Variants in DISC1 observed in about 807,000 individuals in gnomAD.
DISC1 encodes DISC1 scaffold protein, also known as disrupted in schizophrenia 1 protein.
In DISC1, 57 loss-of-function variants were observed where a neutral mutation model predicts 84.5. The observed-to-expected ratio is 0.67, with a 90% confidence interval of 0.55 to 0.84. The LOEUF (loss-of-function observed/expected upper bound fraction) is 0.84, where lower values mean the gene tolerates loss of function less well. DISC1 is among the 40% of genes least tolerant of loss of function. The probability of loss-of-function intolerance (pLI) is 0.00; values close to 1 mark genes in which losing one functional copy is unlikely to be tolerated. For synonymous variants in DISC1, 411 were observed against 415.2 expected (o/e 0.99, Z 0.12); for missense variants, 1,000 against 1,057.8 (o/e 0.95, Z 0.76).
rs562707956 is a variant in DISC1, at chr1:231,904,818, C to A, written c.1982-54010C>A. ...TGATGCTGGAAAACAAGGAAAAGAT[C>A]AAAAAATGGGGGACATGCAAAAGGA... On this transcript the variant is annotated intron_variant, in intron 9 of 12. Coordinates refer to ENST00000439617, the MANE Select transcript of DISC1 (RefSeq NM_018662.3). Among the ~76,000 whole-genome samples the A allele has an allele frequency of 1.6e-4, 25 of 152,084 alleles. No individual in the cohort carries two copies. The East Asian group carries it at 3.1e-3, about 19-fold the overall frequency.
intron 9 of DISC1, among the ~76,000 whole-genome samples, chr1:231,857,866 AT>A (rs2125916498): frequency 6.6e-6 from 1 of 152,282 alleles, no homozygotes; most frequent in African/African-American, 2.4e-5. Flanking sequence ...ATTTCCAAGC[AT>A]TTTCTAAAAG....
chr1:232,034,042 A>G (rs1046616827), intron 12 of DISC1, among the ~76,000 whole-genome samples: 18 of 152,098 alleles, frequency 1.2e-4, no homozygotes, highest in Admixed American at 6.5e-5. Flanking sequence ...CCATTTCAGT[A>G]CATCCAAAAT....
At chr1:232,013,497 A>G (rs1668211246) in intron 11 of DISC1, among the ~76,000 whole-genome samples, 1 of 145,220 alleles carries the variant, frequency 6.9e-6, no homozygotes, top group South Asian at 2.3e-4. Context: ...TAACACTCCT[A>G]TAACAAAAAC....
Position 231,990,506 on chromosome 1 carries a change from C to G in DISC1, c.2043-18279C>G, listed in dbSNP as rs140822545. On this transcript the variant is annotated intron_variant, in intron 10 of 12. Transcript: ENST00000439617. ...TAGGAAACATATGTGATTGTTGGCA[C>G]TGCTCTTCATACTGTTGTCAAATTC... 2.7e-3 allele frequency among the ~76,000 whole-genome samples: 413 copies of G among 152,240 alleles called. 1 individual carries two copies. The highest frequency in any genetic ancestry group is 4.3e-3 in the Non-Finnish European group (292 of 68,026).
intron 3 of DISC1, among the ~76,000 whole-genome samples, chr1:231,734,247 AAAG>A (rs2072150421): frequency 6.6e-6 from 1 of 152,140 alleles, no homozygotes; most frequent in Non-Finnish European, 1.5e-5. Flanking sequence ...GGTTTAATGA[AAAG>A]TAGCAAAAAT....
intron 1 of DISC1, among the ~76,000 whole-genome samples, chr1:231,666,525 A>T (rs1169684226): frequency 2.0e-5 from 3 of 152,154 alleles, no homozygotes; most frequent in Admixed American, 1.3e-4. Flanking sequence ...ACCTAATCTC[A>T]TTTTTAAATT....
chr1:231,667,191 C>T (rs548884941), intron 1 of DISC1, among the ~76,000 whole-genome samples: 66 of 152,272 alleles, frequency 4.3e-4, no homozygotes, highest in African/African-American at 1.5e-3. Context: ...CTCAAGAGGA[C>T]CACAGAGGTC....
intron 1 of DISC1, among the ~76,000 whole-genome samples, chr1:231,645,481 AG>A (rs779464773): frequency 1.3e-5 from 2 of 151,342 alleles, no homozygotes; most frequent in Non-Finnish European, 2.9e-5. Context: ...GGCAGAGACC[AG>A]GCAGTTTATG....
chr1:231,774,299 G>A (rs1429949322), intron 6 of DISC1, among the ~76,000 whole-genome samples: 1 of 152,074 alleles, frequency 6.6e-6, no homozygotes, highest in African/African-American at 2.4e-5. Context: ...TCATGGGAGG[G>A]TAGGAATAAA....
At chr1:231,735,620 A>G (rs1182075974) in intron 3 of DISC1, among the ~76,000 whole-genome samples, 1 of 152,038 alleles carries the variant, frequency 6.6e-6, no homozygotes, top group Non-Finnish European at 1.5e-5. Flanking sequence ...AATTTTGAAA[A>G]TTTTCTCGAA....
chr1:231,646,411 C>T (rs1028195458), intron 1 of DISC1, among the ~76,000 whole-genome samples: 4 of 152,096 alleles, frequency 2.6e-5, no homozygotes, highest in African/African-American at 9.7e-5. Context: ...CATTGACGGA[C>T]ATTTGGGTTG....
chr1:231,796,438 A>C (rs2078773355), intron 7 of DISC1, among the ~76,000 whole-genome samples: 1 of 151,918 alleles, frequency 6.6e-6, no homozygotes, highest in Non-Finnish European at 1.5e-5. Context: ...CTCTGTGCCC[A>C]GAGAAAGAAA....
chr1:231,722,907 T>A, intron 3 of DISC1: 3 of 1,295,092 alleles, frequency 2.3e-6, no homozygotes, highest in Non-Finnish European at 3.0e-6. Context: ...TTGGGACAAT[T>A]AGATTTTTGT....
At chr1:231,754,008 T>C (rs1295201726) in intron 4 of DISC1, among the ~76,000 whole-genome samples, 3 of 152,236 alleles carry the variant, frequency 2.0e-5, no homozygotes. Flanking sequence ...TGAGACCTCA[T>C]GAGCCTGGCT....
intron 6 of DISC1, among the ~76,000 whole-genome samples, chr1:231,790,491 G>T (rs965202231): frequency 6.6e-6 from 1 of 151,648 alleles, no homozygotes; most frequent in Admixed American, 6.6e-5. Flanking sequence ...CTCCACATGT[G>T]TCTGTCTCCG....
chr1:231,952,434 C>T (rs1408046756), intron 9 of DISC1, among the ~76,000 whole-genome samples: 3 of 152,072 alleles, frequency 2.0e-5, no homozygotes, highest in Non-Finnish European at 4.4e-5. Flanking sequence ...CTCTGTTGAA[C>T]TCAGAAATCC....
At chr1:231,845,787 G>A (rs1177115079) in intron 9 of DISC1, among the ~76,000 whole-genome samples, 1 of 152,134 alleles carries the variant, frequency 6.6e-6, no homozygotes, top group Non-Finnish European at 1.5e-5. Flanking sequence ...CGTGGAACAG[G>A]GGCAGAAATA....
Position 232,039,483 on chromosome 1 carries a change from A to G in DISC1, c.*2652A>G, listed in dbSNP as rs1464376467. The G allele has an allele frequency of 6.6e-6, 1 of 152,084 alleles. No individual in the cohort carries two copies. The highest frequency in any genetic ancestry group is 1.5e-5 in the Non-Finnish European group (1 of 68,028). The allele number at this position is 152,084 out of a possible 1,614,324, so 9.4% of individuals were successfully genotyped here. ...GTTCATTTCCCTGCTGCAAATTTTG[A>G]AGTATTTGGGCAGGTGAGTCATGTT... On this transcript the variant is annotated 3_prime_UTR_variant, in exon 13 of 13. Coordinates refer to ENST00000439617, the MANE Select transcript of DISC1 (RefSeq NM_018662.3).
chr1:231,695,721 T>A (rs2125671841), intron 2 of DISC1, among the ~76,000 whole-genome samples: 1 of 152,224 alleles, frequency 6.6e-6, no homozygotes, highest in East Asian at 1.9e-4. Flanking sequence ...TGTTTCTGCG[T>A]GTGGTGTGTG....
Sources: gnomAD v4.1 joint callset for allele counts (sites outside exome capture counted in the v4.1 genomes callset) on GRCh38, gnomAD v4.1.1 for gene constraint, MANE v1.5 for transcripts, NCBI Gene and HGNC (gene_info 2026-07-23, HGNC 2026-07-21) for gene names.